Variants in CRPPA observed in about 807,000 individuals in gnomAD.
The protein encoded by CRPPA is CDP-L-ribitol pyrophosphorylase A.
A neutral mutation model predicts 52.0 loss-of-function variants in CRPPA; 43 were observed. The observed-to-expected ratio is 0.83, with a 90% CI of 0.65 to 1.07. The LOEUF is 1.07. Among genes scored for constraint, CRPPA ranks in the 50% least tolerant of loss-of-function variants. The pLI is 0.00. For synonymous variants in CRPPA, 250 were observed against 203.5 expected, an observed-to-expected ratio of 1.23 and a Z score of -1.94; for missense variants, 629 against 551.7, an observed-to-expected ratio of 1.14 and a Z score of -1.40.
intron 5 of CRPPA, among the ~76,000 whole-genome samples, chr7:16,290,769 C>A (rs1197431333): frequency 6.6e-6 from 1 of 151,828 alleles, no homozygotes; most frequent in Non-Finnish European, 1.5e-5. Context: ...AAAGCACGAA[C>A]AAGAACAAAA....
At chr7:16,327,449 C>T (rs965683813) in intron 3 of CRPPA, among the ~76,000 whole-genome samples, 3 of 151,738 alleles carry the variant, frequency 2.0e-5, no homozygotes, top group Non-Finnish European at 4.4e-5. Flanking sequence ...AAAAATTAGC[C>T]GGGCGCGGTG....
At chr7:16,388,629 C>T (rs1787356997) in intron 2 of CRPPA, among the ~76,000 whole-genome samples, 1 of 152,224 alleles carries the variant, frequency 6.6e-6, no homozygotes, top group Admixed American at 6.5e-5. Flanking sequence ...AATCCCAGCA[C>T]TTTGGGAGGC....
chr7:16,215,984 C>A, intron 9 of CRPPA, 82 bp downstream of exon 9: 1 of 1,073,014 alleles, frequency 9.3e-7, no homozygotes, highest in South Asian at 1.7e-5. Flanking sequence ...TCAATAATAT[C>A]CTCCTGCTTT....
At chr7:16,242,499 G>T (rs371499681) in intron 8 of CRPPA, among the ~76,000 whole-genome samples, 4 of 152,238 alleles carry the variant, frequency 2.6e-5, no homozygotes, top group African/African-American at 9.6e-5. Flanking sequence ...CAATCTGACA[G>T]AGGTGGTAGC....
At chr7:16,192,301 A>G (rs1562548953) in intron 9 of CRPPA, among the ~76,000 whole-genome samples, 1 of 151,988 alleles carries the variant, frequency 6.6e-6, no homozygotes, top group Non-Finnish European at 1.5e-5. Context: ...TCTCTGGAGA[A>G]CCCTGAGTGA....
chr7:16,385,859 G>A (rs545116804), intron 2 of CRPPA, among the ~76,000 whole-genome samples: 2 of 152,198 alleles, frequency 1.3e-5, no homozygotes, highest in Admixed American at 6.5e-5. Context: ...GGGATGGGGA[G>A]CACCCAGATG....
chr7:16,268,537 CT>C (rs1784014121), intron 6 of CRPPA, among the ~76,000 whole-genome samples: 2 of 152,172 alleles, frequency 1.3e-5, no homozygotes, highest in East Asian at 3.9e-4. Flanking sequence ...CCCATTATGA[CT>C]TATGAGGAGC....
In CRPPA at chr7:16,258,815, GA is replaced by G. The variant is rs1245143238; in HGVS notation, c.1026+104del. 66 of 652,344 alleles carry G rather than the reference GA, an allele frequency of 1.0e-4. 1 individual carries two copies. Among genetic ancestry groups the G allele is most frequent in the African/African-American group, 7.5e-4 (40 of 53,090 alleles). 40.4% of individuals were successfully genotyped at this position (652,344 alleles called of 1,614,324 possible). ...AAGATAAAATCTCCAAAAATGTGTA[GA>G]AGAACTCATCATAATATCATATATA... On this transcript the variant is annotated intron_variant, in intron 7 of 9. Coordinates refer to ENST00000407010, the MANE Select transcript of CRPPA (RefSeq NM_001101426.4).
chr7:16,269,949 A>T (rs969831893), intron 6 of CRPPA: 7 of 152,236 alleles, frequency 4.6e-5, no homozygotes, highest in African/African-American at 1.7e-4. Flanking sequence ...CTGAAGCTAC[A>T]TCTCAATTTA....
chr7:16,195,164 G>T (rs896715388), intron 9 of CRPPA, among the ~76,000 whole-genome samples: 1 of 152,110 alleles, frequency 6.6e-6, no homozygotes, highest in Non-Finnish European at 1.5e-5. Context: ...AAGATGTGCA[G>T]ATAATTAAGG....
chr7:16,393,423 C>A (rs1017318596), intron 2 of CRPPA, among the ~76,000 whole-genome samples: 2 of 152,054 alleles, frequency 1.3e-5, no homozygotes, highest in Non-Finnish European at 2.9e-5. Flanking sequence ...AGAGTCCCAA[C>A]AGACCCATGC....
At chr7:16,224,489 T>C (rs1171602070) in intron 8 of CRPPA, among the ~76,000 whole-genome samples, 1 of 152,106 alleles carries the variant, frequency 6.6e-6, no homozygotes, top group African/African-American at 2.4e-5. Context: ...AAAGCTTAAG[T>C]ATATACCTAA....
chr7:16,323,837 A>G (rs1785317189), intron 3 of CRPPA, among the ~76,000 whole-genome samples: 1 of 152,230 alleles, frequency 6.6e-6, no homozygotes, highest in African/African-American at 2.4e-5. Context: ...AAAAAAAAGC[A>G]CATCACACAA....
At chr7:16,254,792 G>GGAAGGAAGGAAAGAAAGAAA in intron 8 of CRPPA, among the ~76,000 whole-genome samples, 1 of 101,662 alleles carries the variant, frequency 9.8e-6, no homozygotes, top group Admixed American at 1.1e-4. Flanking sequence ...AAAGAAAGAA[G>GGAAGGAAGGAAAGAAAGAAA]GAAAGAAAGA....
intron 8 of CRPPA, among the ~76,000 whole-genome samples, chr7:16,226,257 G>A (rs1315756626): frequency 6.6e-6 from 1 of 151,878 alleles, no homozygotes; most frequent in Non-Finnish European, 1.5e-5. Flanking sequence ...CATTAAAAAT[G>A]TGAAAATATA....
chr7:16,229,350 G>A (rs1012341378), intron 8 of CRPPA, among the ~76,000 whole-genome samples: 5 of 151,844 alleles, frequency 3.3e-5, no homozygotes, highest in Non-Finnish European at 7.4e-5. Context: ...GCCAATTTTT[G>A]TTCCTTTCTT....
chr7:16,358,913 G>C (rs145587317), intron 3 of CRPPA, among the ~76,000 whole-genome samples: 1 of 152,120 alleles, frequency 6.6e-6, no homozygotes, highest in African/African-American at 2.4e-5. Context: ...CACAAAGAAT[G>C]TCAGTAAAAT....
chr7:16,387,078 T>C lies in CRPPA; in HGVS notation c.535-10837A>G, dbSNP rs1243465569. On this transcript the variant is annotated intron_variant, in intron 2 of 9. Transcript: ENST00000407010. ...ATATATATATATATATATATATATATATATATATACACACATATATATATG... is the reference window on the plus strand; with the variant it reads ...ATATATATATATATATATATATATACATATATATACACACATATATATATG... Among the ~76,000 whole-genome samples the C allele has an allele frequency of 5.6e-3, 258 of 46,438 alleles. 4 individuals carry two copies. Among genetic ancestry groups the C allele is most frequent in the African/African-American group, 0.024 (229 of 9,450 alleles). The allele number at this position is 46,438 out of a possible 152,430, so 30.5% of individuals were successfully genotyped here.
In CRPPA at chr7:16,144,808, G is replaced by A. The variant is rs576518406; in HGVS notation, c.1252-53009C>T. ...CTCTCAGCGGCTGCTGGACTCTCCC[G>A]TCAACAGTGCAGAGCTAAGCAGTGT... On this transcript the variant is annotated intron_variant, in intron 9 of 9. Coordinates refer to ENST00000407010, the MANE Select transcript of CRPPA (RefSeq NM_001101426.4). Among the ~76,000 whole-genome samples the A allele has an allele frequency of 2.0e-3, 303 of 152,300 alleles. 1 individual carries two copies. The highest frequency in any genetic ancestry group is 6.4e-3 in the African/African-American group (267 of 41,558).
Sources: gnomAD v4.1 joint callset for allele counts (sites outside exome capture counted in the v4.1 genomes callset) on GRCh38, gnomAD v4.1.1 for gene constraint, MANE v1.5 for transcripts, NCBI Gene and HGNC (gene_info 2026-07-23, HGNC 2026-07-21) for gene names.